TRIM49: variants seen among roughly 807,000 people sequenced by gnomAD.
TRIM49 encodes tripartite motif-containing protein 49.
TRIM49 carries 5 observed loss-of-function variants against 27.4 expected under a neutral mutation model. The ratio of observed to expected loss-of-function variants is 0.18; its 90% confidence interval spans 0.10 to 0.38. TRIM49 has a LOEUF of 0.38. Among genes scored for constraint, TRIM49 ranks in the 10% least tolerant of loss-of-function variants. The probability of loss-of-function intolerance (pLI) is 1.00; values close to 1 mark genes in which losing one functional copy is unlikely to be tolerated. For synonymous variants in TRIM49, 69 were observed against 166.0 expected (o/e 0.42, Z 4.49); for missense variants, 188 against 487.5 (o/e 0.39, Z 5.79).
chr11:89,775,387 C>A, the TRIM49 span, among the ~76,000 whole-genome samples: 1 of 89,950 alleles, frequency 1.1e-5, no homozygotes, highest in Non-Finnish European at 1.9e-5. Context: ...TCAACAACAA[C>A]AACAACCAAA....
the TRIM49 span, among the ~76,000 whole-genome samples, chr11:89,790,173 T>G: frequency 7.8e-6 from 1 of 128,954 alleles, no homozygotes; most frequent in Admixed American, 7.9e-5. Flanking sequence ...CACAGCAGTC[T>G]GAGATCAAAC....
chr11:89,806,558 A>G (rs1441685638), intron 2 of TRIM49, among the ~76,000 whole-genome samples: 1 of 150,546 alleles, frequency 6.6e-6, no homozygotes, highest in African/African-American at 2.5e-5. Context: ...TGAGATGACA[A>G]TCACAATCAC....
the TRIM49 span, among the ~76,000 whole-genome samples, chr11:89,773,919 A>G: frequency 7.3e-6 from 1 of 136,444 alleles, no homozygotes; most frequent in Non-Finnish European, 1.5e-5. Context: ...CCTGGGCGAC[A>G]GAGCAAGATA....
At chr11:89,791,528 G>A in the TRIM49 span, among the ~76,000 whole-genome samples, 1 of 150,998 alleles carries the variant, frequency 6.6e-6, no homozygotes. Context: ...AAGCCCATCA[G>A]ACTAACAGCA....
chr11:89,774,147 C>T, the TRIM49 span, among the ~76,000 whole-genome samples: 38 of 150,214 alleles, frequency 2.5e-4, 1 homozygote, highest in African/African-American at 9.2e-4. Context: ...ATTACAAGTG[C>T]CTGCCACCGA....
chr11:89,774,234 T>G, the TRIM49 span, among the ~76,000 whole-genome samples: 5 of 150,992 alleles, frequency 3.3e-5, no homozygotes, highest in African/African-American at 1.2e-4. Context: ...ACTCCTGACC[T>G]CGTGATCCAC....
In TRIM49 at chr11:89,808,505, G is replaced by C. The variant is rs1056179757; in HGVS notation, c.-259C>G. On this transcript the variant is annotated 5_prime_UTR_variant, in exon 1 of 8. Coordinates refer to ENST00000329758, the MANE Select transcript of TRIM49 (RefSeq NM_020358.2). Reference sequence around the variant, plus strand: ...AGTCCATCAGGAAAAGAAATCCCCCGCTGGCTGGATCCCAGTGGTCATGAA... The same window carrying C: ...AGTCCATCAGGAAAAGAAATCCCCCCCTGGCTGGATCCCAGTGGTCATGAA... 3 of 150,972 alleles carry C rather than the reference G, an allele frequency of 2.0e-5. 1 individual carries two copies. Among genetic ancestry groups the C allele is most frequent in the African/African-American group, 7.4e-5 (3 of 40,362 alleles). The allele number at this position is 150,972 out of a possible 1,614,324, so 9.4% of individuals were successfully genotyped here. A position where few individuals can be genotyped will look rare whatever the true frequency, so the allele number is the denominator to read the frequency against.
the TRIM49 span, among the ~76,000 whole-genome samples, chr11:89,790,256 T>A: frequency 7.3e-6 from 1 of 136,954 alleles, no homozygotes; most frequent in East Asian, 2.0e-4. Context: ...CAAAGTGGCC[T>A]GGAAGCTTAA....
At chr11:89,791,719 G>GC in the TRIM49 span, among the ~76,000 whole-genome samples, 3 of 152,158 alleles carry the variant, frequency 2.0e-5, 1 homozygote, top group Non-Finnish European at 4.4e-5. Flanking sequence ...CACCAGGCCT[G>GC]CCCTAAAAGA....
At chr11:89,792,513 A>AT in the TRIM49 span, among the ~76,000 whole-genome samples, 5 of 151,986 alleles carry the variant, frequency 3.3e-5, no homozygotes, top group African/African-American at 9.7e-5. Flanking sequence ...TCCTCAGCAA[A>AT]TGTAAAAGAA....
chr11:89,790,937 G>A, the TRIM49 span, among the ~76,000 whole-genome samples: 233 of 152,074 alleles, frequency 1.5e-3, no homozygotes, highest in African/African-American at 4.7e-3. Flanking sequence ...GTCTTCAGAC[G>A]ATCAAACTTC....
chr11:89,782,066 A>T, the TRIM49 span: 3 of 1,543,606 alleles, frequency 1.9e-6, no homozygotes, highest in African/African-American at 2.8e-5. Context: ...GGTGGATGTG[A>T]CCCTCTCCTC....
chr11:89,784,931 CATTT>C, the TRIM49 span, among the ~76,000 whole-genome samples: 1 of 148,798 alleles, frequency 6.7e-6, no homozygotes, highest in African/African-American at 2.6e-5. Context: ...ATACTTAATT[CATTT>C]ATTATCTTCA....
intron 7 of TRIM49, 31 bp from the exon 8 acceptor site, chr11:89,798,660 T>A (rs1473082337): frequency 6.7e-7 from 1 of 1,483,172 alleles, no homozygotes; most frequent in East Asian, 2.6e-5. Context: ...AAAACATGCA[T>A]AGACATGTGT....
the TRIM49 span, among the ~76,000 whole-genome samples, chr11:89,790,133 C>A: frequency 7.6e-6 from 1 of 130,908 alleles, no homozygotes; most frequent in East Asian, 2.1e-4. Flanking sequence ...TCAGAGGGTC[C>A]CACGCCAACA....
At chr11:89,768,589 G>T in the TRIM49 span, among the ~76,000 whole-genome samples, 25 of 135,600 alleles carry the variant, frequency 1.8e-4, 8 homozygotes, top group African/African-American at 8.3e-4. Context: ...CTTCAAAACA[G>T]AAACCCCTGA....
chr11:89,804,552 T>C, intron 2 of TRIM49, 79 bp from the exon 3 acceptor site: 3 of 1,462,160 alleles, frequency 2.1e-6, no homozygotes, highest in East Asian at 2.5e-5. Context: ...TATGTGATAG[T>C]TATATTTTCT....
chr11:89,785,242 AAATAAAT>A, the TRIM49 span, among the ~76,000 whole-genome samples: 3 of 144,514 alleles, frequency 2.1e-5, 1 homozygote, highest in Admixed American at 6.8e-5. Flanking sequence ...ATAAATAAAT[AAATAAAT>A]AAATAAATAA....
chr11:89,774,045 G>T, the TRIM49 span, among the ~76,000 whole-genome samples: 1 of 145,004 alleles, frequency 6.9e-6, no homozygotes, highest in Non-Finnish European at 1.5e-5. Flanking sequence ...CTGTCACCCA[G>T]GCTGGAGTGC....
Sources: gnomAD v4.1 joint callset for allele counts (sites outside exome capture counted in the v4.1 genomes callset) on GRCh38, gnomAD v4.1.1 for gene constraint, MANE v1.5 for transcripts, NCBI Gene and HGNC (gene_info 2026-07-23, HGNC 2026-07-21) for gene names.